Variants in PCDH15 observed in about 807,000 individuals in gnomAD.
PCDH15 encodes protocadherin-15.
In PCDH15, 129 loss-of-function variants were observed where a neutral mutation model predicts 178.5. The observed-to-expected ratio is 0.72, with a 90% confidence interval of 0.63 to 0.84. The LOEUF (loss-of-function observed/expected upper bound fraction) is 0.84. PCDH15 is among the 40% of genes least tolerant of loss of function. The pLI, the probability that PCDH15 is intolerant of heterozygous loss-of-function variation, is 0.00. For missense variants in PCDH15, 2,230 were observed against 2,099.9 expected, an observed-to-expected ratio of 1.06 and a Z score of -1.21; for synonymous variants, 800 against 732.0, an observed-to-expected ratio of 1.09 and a Z score of -1.50.
chr10:54,457,027 A>T (rs1051972688), intron 3 of PCDH15, among the ~76,000 whole-genome samples: 5 of 152,100 alleles, frequency 3.3e-5, no homozygotes, highest in Admixed American at 3.3e-4. Flanking sequence ...GTGTTTCTTC[A>T]TAGTGGTGTG....
At chr10:55,606,496 A>G (rs1454794593) in intron 2 of PCDH15, among the ~76,000 whole-genome samples, 4 of 149,558 alleles carry the variant, frequency 2.7e-5, no homozygotes, top group Non-Finnish European at 4.5e-5. Flanking sequence ...ACTTCAAACT[A>G]TACTACAAGG....
intron 2 of PCDH15, among the ~76,000 whole-genome samples, chr10:54,595,078 T>C (rs1480583623): frequency 1.3e-5 from 2 of 152,126 alleles, no homozygotes; most frequent in East Asian, 3.9e-4. Flanking sequence ...CCACAGCCAC[T>C]ACTACAAACA....
intron 1 of PCDH15, among the ~76,000 whole-genome samples, chr10:55,283,575 T>C (rs926786843): frequency 6.6e-6 from 1 of 151,686 alleles, no homozygotes; most frequent in Non-Finnish European, 1.5e-5. Flanking sequence ...CTTTTCTTAT[T>C]ACTATTCTTC....
chr10:54,411,244 T>A (rs1180232110), intron 3 of PCDH15, among the ~76,000 whole-genome samples: 1 of 152,122 alleles, frequency 6.6e-6, no homozygotes, highest in East Asian at 1.9e-4. Context: ...ACCTCTAAAT[T>A]GTTGCACTAG....
chr10:54,685,436 A>C (rs151277046), intron 1 of PCDH15, among the ~76,000 whole-genome samples: 3 of 152,300 alleles, frequency 2.0e-5, no homozygotes, highest in Middle Eastern at 3.4e-3. Flanking sequence ...TGTTTATACC[A>C]GAATCACCAC....
At chr10:55,374,652 T>C (rs113447188) in intron 2 of PCDH15, among the ~76,000 whole-genome samples, 4 of 151,994 alleles carry the variant, frequency 2.6e-5, no homozygotes, top group Admixed American at 6.6e-5. Flanking sequence ...ATACTATTAG[T>C]ATATGTAAAA....
At chr10:54,230,112 C>T (rs1160299848) in intron 9 of PCDH15, among the ~76,000 whole-genome samples, 5 of 152,106 alleles carry the variant, frequency 3.3e-5, no homozygotes, top group Non-Finnish European at 7.4e-5. Flanking sequence ...GGCAGGCATA[C>T]ATGCAATTAA....
intron 2 of PCDH15, among the ~76,000 whole-genome samples, chr10:55,511,870 A>G (rs1233855623): frequency 6.6e-6 from 1 of 152,076 alleles, no homozygotes; most frequent in African/African-American, 2.4e-5. Context: ...GTAGCCAAAT[A>G]AATGCCACTC....
At chr10:54,433,409 A>G (rs2075150737) in intron 3 of PCDH15, among the ~76,000 whole-genome samples, 1 of 152,150 alleles carries the variant, frequency 6.6e-6, no homozygotes, top group African/African-American at 2.4e-5. Flanking sequence ...GTCATTTGCA[A>G]CAACATGGAT....
intron 2 of PCDH15, among the ~76,000 whole-genome samples, chr10:55,375,321 T>TA (rs1257688258): frequency 3.9e-5 from 6 of 151,934 alleles, no homozygotes; most frequent in African/African-American, 1.5e-4. Flanking sequence ...TTTTAAGTGA[T>TA]TTTTTTTCCT....
intron 26 of PCDH15, among the ~76,000 whole-genome samples, chr10:53,888,171 G>C (rs1463415606): frequency 6.7e-6 from 1 of 150,174 alleles, no homozygotes; most frequent in Non-Finnish European, 1.5e-5. Context: ...GATTTTGCTG[G>C]TTTGTTTAAA....
At chr10:55,135,338 G>C (rs1838161577) in intron 2 of PCDH15, among the ~76,000 whole-genome samples, 1 of 151,932 alleles carries the variant, frequency 6.6e-6, no homozygotes, top group African/African-American at 2.4e-5. Flanking sequence ...ATCTAAGTAA[G>C]CAGATAAGAA....
At chr10:55,158,107 T>C (rs11004764) in intron 2 of PCDH15, among the ~76,000 whole-genome samples, 78,760 of 147,802 alleles carry the variant, frequency 0.53, 22,703 homozygotes, top group Non-Finnish European at 0.64. Context: ...TACACATATC[T>C]TTTATAATTA....
chr10:55,494,184 T>C (rs554170289), intron 2 of PCDH15, among the ~76,000 whole-genome samples: 9 of 151,824 alleles, frequency 5.9e-5, no homozygotes, highest in Non-Finnish European at 1.3e-4. Context: ...ATCTTCAGCA[T>C]AATTCTACCC....
intron 3 of PCDH15, among the ~76,000 whole-genome samples, chr10:54,446,844 CT>C (rs370682830): frequency 1.8e-4 from 27 of 151,572 alleles, no homozygotes; most frequent in African/African-American, 6.3e-4. Context: ...TGTACTGTTT[CT>C]TTGTCAAGCA....
chr10:55,596,949 A>G (rs1842947035), intron 2 of PCDH15, among the ~76,000 whole-genome samples: 1 of 152,204 alleles, frequency 6.6e-6, no homozygotes, highest in East Asian at 1.9e-4. Flanking sequence ...TGTGCAGAGC[A>G]AAGGAAACAG....
At chr10:54,518,401 T>C (rs1260633535) in intron 3 of PCDH15, among the ~76,000 whole-genome samples, 22 of 151,992 alleles carry the variant, frequency 1.4e-4, no homozygotes, top group Admixed American at 6.5e-5. Context: ...CCCACAGAAA[T>C]ACAAACTACC....
chr10:54,566,987 AG>A (rs1328383304), intron 2 of PCDH15, among the ~76,000 whole-genome samples: 1 of 152,168 alleles, frequency 6.6e-6, no homozygotes, highest in African/African-American at 2.4e-5. Context: ...CATGTTCAAC[AG>A]CATTTGGTGT....
intron 1 of PCDH15, among the ~76,000 whole-genome samples, chr10:55,307,326 C>A (rs948952535): frequency 1.3e-5 from 2 of 151,694 alleles, no homozygotes; most frequent in Non-Finnish European, 2.9e-5. Context: ...CACGTGAAAC[C>A]CTGTCTCCAC....
Sources: gnomAD v4.1 joint callset for allele counts (sites outside exome capture counted in the v4.1 genomes callset) on GRCh38, gnomAD v4.1.1 for gene constraint, MANE v1.5 for transcripts, NCBI Gene and HGNC (gene_info 2026-07-23, HGNC 2026-07-21) for gene names.